GLIS3: variants seen among roughly 807,000 people sequenced by gnomAD.
The protein encoded by GLIS3 is zinc finger protein GLIS3.
In GLIS3, 53 loss-of-function variants were observed where a neutral mutation model predicts 78.6. The observed-to-expected ratio is 0.67, with a 90% CI of 0.54 to 0.85. The LOEUF is 0.85. Among genes scored for constraint, GLIS3 ranks in the 40% least tolerant of loss-of-function variants. The probability of loss-of-function intolerance (pLI) is 0.00; values close to 1 mark genes in which losing one functional copy is unlikely to be tolerated. For missense variants in GLIS3, 1,703 were observed against 1,231.1 expected (o/e 1.38, Z -5.74); for synonymous variants, 684 against 509.9 (o/e 1.34, Z -4.60).
At chr9:3,866,941 T>C (rs1313346545) in intron 8 of GLIS3, among the ~76,000 whole-genome samples, 1 of 152,082 alleles carries the variant, frequency 6.6e-6, no homozygotes, top group Admixed American at 6.5e-5. Context: ...TTGCTTAAGA[T>C]GGGAGGGGAC....
the GLIS3 span, among the ~76,000 whole-genome samples, chr9:4,459,848 G>C: frequency 6.6e-6 from 1 of 152,178 alleles, no homozygotes; most frequent in African/African-American, 2.4e-5. Context: ...AAAGAAAGTG[G>C]AGGAGGAAGT....
At chr9:4,195,559 C>T (rs1818749880) in intron 2 of GLIS3, among the ~76,000 whole-genome samples, 1 of 152,246 alleles carries the variant, frequency 6.6e-6, no homozygotes, top group Non-Finnish European at 1.5e-5. Context: ...GGACCTGCAG[C>T]CCGCCATGCC....
intron 2 of GLIS3, among the ~76,000 whole-genome samples, chr9:4,232,545 A>C (rs1822363600): frequency 6.6e-6 from 1 of 152,180 alleles, no homozygotes; most frequent in Admixed American, 6.5e-5. Flanking sequence ...TCAAAGTGTT[A>C]TTGAAAATAT....
intron 2 of GLIS3, among the ~76,000 whole-genome samples, chr9:4,143,384 T>C (rs1001762448): frequency 6.6e-6 from 1 of 151,772 alleles, no homozygotes. Context: ...CTGTCCAACA[T>C]GATGAAACCC....
chr9:4,151,218 C>T (rs933027248), intron 2 of GLIS3, among the ~76,000 whole-genome samples: 2 of 152,060 alleles, frequency 1.3e-5, no homozygotes, highest in African/African-American at 4.8e-5. Context: ...GTCTTTGAGC[C>T]TAGAAGATAC....
intron 4 of GLIS3, among the ~76,000 whole-genome samples, chr9:4,010,120 T>A (rs537516586): frequency 6.6e-6 from 1 of 151,934 alleles, no homozygotes; most frequent in Non-Finnish European, 1.5e-5. Flanking sequence ...TCCAGGGATC[T>A]CCCCCGGGGT....
chr9:4,465,932 G>T, the GLIS3 span, among the ~76,000 whole-genome samples: 1 of 152,136 alleles, frequency 6.6e-6, no homozygotes, highest in Non-Finnish European at 1.5e-5. Context: ...AGATTTGAGA[G>T]TAAAAGATCA....
At chr9:3,875,293 T>C (rs1425039639) in intron 8 of GLIS3, among the ~76,000 whole-genome samples, 3 of 152,202 alleles carry the variant, frequency 2.0e-5, no homozygotes, top group Admixed American at 2.0e-4. Flanking sequence ...ATTCAGATAA[T>C]ATTTCAAAAT....
intron 2 of GLIS3, among the ~76,000 whole-genome samples, chr9:4,280,529 G>C (rs1029689096): frequency 3.3e-5 from 5 of 152,052 alleles, no homozygotes; most frequent in African/African-American, 1.2e-4. Context: ...GTTAAATGCA[G>C]TATAATACAA....
chr9:3,958,254 T>C (rs1001310233), intron 4 of GLIS3, among the ~76,000 whole-genome samples: 2 of 152,166 alleles, frequency 1.3e-5, no homozygotes, highest in African/African-American at 4.8e-5. Context: ...ATAAGGCTTT[T>C]TGAAGATGAG....
At chr9:4,433,544 T>C in the GLIS3 span, among the ~76,000 whole-genome samples, 4 of 152,352 alleles carry the variant, frequency 2.6e-5, no homozygotes, top group South Asian at 6.2e-4. Flanking sequence ...GGGTGTACCA[T>C]GATAAAATAT....
the GLIS3 span, among the ~76,000 whole-genome samples, chr9:4,431,376 G>A: frequency 6.6e-6 from 1 of 152,140 alleles, no homozygotes; most frequent in Non-Finnish European, 1.5e-5. Flanking sequence ...AGGAGATTTT[G>A]GTGTATTAAC....
chr9:3,964,192 T>G (rs575686809), intron 4 of GLIS3, among the ~76,000 whole-genome samples: 42 of 152,322 alleles, frequency 2.8e-4, no homozygotes, highest in African/African-American at 9.9e-4. Context: ...AGAATCATCA[T>G]AAATGCTATG....
At chr9:4,383,623 A>T in the GLIS3 span, among the ~76,000 whole-genome samples, 1 of 149,204 alleles carries the variant, frequency 6.7e-6, no homozygotes, top group African/African-American at 2.5e-5. Flanking sequence ...GCAGAAAAAA[A>T]TCTATTAAGA....
the GLIS3 span, among the ~76,000 whole-genome samples, chr9:4,370,001 G>A: frequency 6.6e-6 from 1 of 151,976 alleles, no homozygotes; most frequent in Non-Finnish European, 1.5e-5. Context: ...AGACCAGCCT[G>A]GCCAAAATGG....
the GLIS3 span, among the ~76,000 whole-genome samples, chr9:4,402,835 C>T: frequency 1.3e-5 from 2 of 151,958 alleles, no homozygotes; most frequent in African/African-American, 4.8e-5. Context: ...AAAATAGTCT[C>T]ACAAATATGA....
intron 4 of GLIS3, among the ~76,000 whole-genome samples, chr9:4,062,322 C>T (rs1826722225): frequency 6.6e-6 from 1 of 152,118 alleles, no homozygotes; most frequent in Non-Finnish European, 1.5e-5. Context: ...ATTGAAAATA[C>T]TGGTGGGATT....
rs529632207 is a variant in GLIS3, at chr9:4,249,757, G to T, written c.388+36281C>A. Among the ~76,000 whole-genome samples the T allele has an allele frequency of 1.3e-3, 191 of 152,302 alleles. 3 individuals are homozygous for T. The highest frequency in any genetic ancestry group is 1.3e-3 in the East Asian group (7 of 5,190). On this transcript the variant is annotated intron_variant, in intron 2 of 10. Transcript: ENST00000381971. ...TCAGTATGATATTGACTGTGGGTTTGTCATAAATAGCTCTTATTATTTTGA... is the reference window on the plus strand; with the variant it reads ...TCAGTATGATATTGACTGTGGGTTTTTCATAAATAGCTCTTATTATTTTGA...
chr9:4,408,083 T>C, the GLIS3 span, among the ~76,000 whole-genome samples: 1 of 152,256 alleles, frequency 6.6e-6, no homozygotes, highest in African/African-American at 2.4e-5. Flanking sequence ...ATGACCCCAG[T>C]TAAAATGGCT....
Sources: allele counts gnomAD v4.1 joint callset (sites outside exome capture counted in the v4.1 genomes callset), GRCh38; gene constraint gnomAD v4.1.1; transcripts MANE v1.5; gene names NCBI Gene and HGNC (gene_info 2026-07-23, HGNC 2026-07-21).